The following ZC3H12B variants were observed in gnomAD, a reference collection of about 807,000 sequenced individuals.
ZC3H12B encodes the protein probable ribonuclease ZC3H12B.
Under a neutral mutation model 43.9 loss-of-function variants are expected in ZC3H12B, and 7 were observed. That is an observed-to-expected ratio of 0.16 (90% CI 0.09 to 0.30). The LOEUF (loss-of-function observed/expected upper bound fraction) is 0.30. Ranked by LOEUF, ZC3H12B falls within the 10% of genes least tolerant of loss-of-function variation. The probability of loss-of-function intolerance (pLI) is 1.00; values close to 1 mark genes in which losing one functional copy is unlikely to be tolerated. For synonymous variants in ZC3H12B, 222 were observed against 241.7 expected, an observed-to-expected ratio of 0.92 and a Z score of 0.76; for missense variants, 475 against 670.2, an observed-to-expected ratio of 0.71 and a Z score of 3.22.
chrX:65,354,104 G>A, the ZC3H12B span, among the ~76,000 whole-genome samples: 5 of 112,079 alleles, frequency 4.5e-5, no homozygotes, highest in East Asian at 2.8e-4. Context: ...CCAGCACAGC[G>A]CTCGAGCTCT....
intron 3 of ZC3H12B, among the ~76,000 whole-genome samples, chrX:65,443,317 G>C: frequency 9.0e-6 from 1 of 110,578 alleles, no homozygotes; most frequent in Non-Finnish European, 1.9e-5. Context: ...ACCTGGATTC[G>C]AGCCCCCACG....
At chrX:65,212,930 A>G in the ZC3H12B span, among the ~76,000 whole-genome samples, 1 of 106,725 alleles carries the variant, frequency 9.4e-6, no homozygotes, top group Admixed American at 1.1e-4. Flanking sequence ...TGTTCACTTA[A>G]TTATTCTTAG....
At chrX:65,442,113 G>A (rs971264622) in intron 3 of ZC3H12B, among the ~76,000 whole-genome samples, 8 of 107,354 alleles carry the variant, frequency 7.5e-5, no homozygotes, top group African/African-American at 2.7e-4. Context: ...AGGAAATGGA[G>A]TATTTCCTTT....
the ZC3H12B span, among the ~76,000 whole-genome samples, chrX:65,342,691 A>G: frequency 1.8e-5 from 2 of 111,158 alleles, no homozygotes; most frequent in Admixed American, 1.9e-4. Context: ...CTAAATGCCC[A>G]CATCCAAAAA....
chrX:65,159,158 C>T, the ZC3H12B span, among the ~76,000 whole-genome samples: 1 of 111,987 alleles, frequency 8.9e-6, no homozygotes, highest in African/African-American at 3.2e-5. Context: ...CAGTACCATG[C>T]TGTTTTGGTT....
At chrX:65,209,308 A>G in the ZC3H12B span, among the ~76,000 whole-genome samples, 2 of 54,434 alleles carry the variant, frequency 3.7e-5, no homozygotes, top group African/African-American at 7.4e-5. Flanking sequence ...TTTCTCTTGT[A>G]GGCATTTAGT....
chrX:65,235,147 A>C, the ZC3H12B span, among the ~76,000 whole-genome samples: 1 of 111,842 alleles, frequency 8.9e-6, no homozygotes, highest in Non-Finnish European at 1.9e-5. Flanking sequence ...TAGTGCTGCA[A>C]TGAACATATG....
the ZC3H12B span, among the ~76,000 whole-genome samples, chrX:65,080,464 A>G: frequency 2.7e-5 from 3 of 111,662 alleles, no homozygotes; most frequent in East Asian, 8.4e-4. Context: ...GGATAAAGAA[A>G]AAATCCTAAA....
At chrX:65,040,098 G>C in the ZC3H12B span, among the ~76,000 whole-genome samples, 2 of 111,340 alleles carry the variant, frequency 1.8e-5, no homozygotes, top group African/African-American at 6.5e-5. Flanking sequence ...TTTATATTAT[G>C]TGACATTTCT....
the ZC3H12B span, among the ~76,000 whole-genome samples, chrX:65,341,897 C>T: frequency 9.0e-6 from 1 of 111,139 alleles, no homozygotes; most frequent in East Asian, 2.8e-4. Flanking sequence ...GATAAATTCC[C>T]CAATTAAATG....
exon 5 of ZC3H12B, chrX:65,504,665 A>T (rs2068408258): frequency 8.9e-6 from 1 of 112,766 alleles, no homozygotes; most frequent in Non-Finnish European, 1.9e-5. Context: ...AATGGTGAAT[A>T]AAAAAGCTTC....
chrX:65,206,672 A>C, the ZC3H12B span, among the ~76,000 whole-genome samples: 3 of 111,892 alleles, frequency 2.7e-5, no homozygotes, highest in Admixed American at 2.9e-4. Context: ...GGACTTAATT[A>C]AACTAAAAAG....
At chrX:65,402,629 C>T (rs757132824) in intron 3 of ZC3H12B, among the ~76,000 whole-genome samples, 3 of 111,874 alleles carry the variant, frequency 2.7e-5, no homozygotes, top group South Asian at 3.8e-4. Context: ...GAACAGAGAA[C>T]GAGACTCTAT....
chrX:65,267,202 T>TC, the ZC3H12B span, among the ~76,000 whole-genome samples: 121 of 108,122 alleles, frequency 1.1e-3, no homozygotes, highest in Non-Finnish European at 1.6e-3. Context: ...TTTCTTTCTT[T>TC]TTTTTTTTTT....
chrX:65,212,514 T>C, the ZC3H12B span, among the ~76,000 whole-genome samples: 1 of 72,547 alleles, frequency 1.4e-5, no homozygotes, highest in Non-Finnish European at 2.4e-5. Flanking sequence ...TTATATACAA[T>C]ATTTTTATTA....
At chrX:65,077,651 A>T in the ZC3H12B span, among the ~76,000 whole-genome samples, 1 of 112,056 alleles carries the variant, frequency 8.9e-6, no homozygotes, top group South Asian at 3.7e-4. Flanking sequence ...GTAGAACAGG[A>T]GTTGGGGCTC....
chrX:65,088,604 C>A, the ZC3H12B span, among the ~76,000 whole-genome samples: 1 of 111,962 alleles, frequency 8.9e-6, no homozygotes, highest in African/African-American at 3.2e-5. Flanking sequence ...AAAACATAAC[C>A]TCACAAAGCA....
chrX:65,364,501 G>A (rs1355546044), upstream of ZC3H12B, among the ~76,000 whole-genome samples: 5 of 109,502 alleles, frequency 4.6e-5, no homozygotes, highest in African/African-American at 1.7e-4. Flanking sequence ...TGCTGATAAT[G>A]TAGCTAAAAA....
At chrX:65,335,804 G>A in the ZC3H12B span, among the ~76,000 whole-genome samples, 2 of 111,650 alleles carry the variant, frequency 1.8e-5, no homozygotes, top group Admixed American at 9.5e-5. Context: ...GGCTAATTAC[G>A]ACATGAACCC....
Sources: allele counts gnomAD v4.1 joint callset (sites outside exome capture counted in the v4.1 genomes callset), GRCh38; gene constraint gnomAD v4.1.1; transcripts MANE v1.5; gene names NCBI Gene and HGNC (gene_info 2026-07-23, HGNC 2026-07-21).